The following PAXX variants were observed in gnomAD, a reference collection of about 807,000 sequenced individuals.
PAXX encodes the protein PAXX non-homologous end joining factor.
PAXX carries 27 observed loss-of-function variants against 25.6 expected under a neutral mutation model. That is an observed-to-expected ratio of 1.06 (90% CI 0.78 to 1.46). The LOEUF (loss-of-function observed/expected upper bound fraction) is 1.46. Among genes scored for constraint, PAXX ranks in the 40% most tolerant of loss-of-function variants. PAXX has a pLI of 0.00. For synonymous variants in PAXX, 126 were observed against 125.7 expected, an observed-to-expected ratio of 1.00 and a Z score of -0.02; for missense variants, 295 against 280.2, an observed-to-expected ratio of 1.05 and a Z score of -0.38.
At chr9:136,992,613 C>T in intron 1 of PAXX, 27 bp from the exon 2 acceptor site, 2 of 1,533,800 alleles carry the variant, frequency 1.3e-6, no homozygotes, top group Non-Finnish European at 1.8e-6. Context: ...CCGCGGGCGG[C>T]CCCGCCTGAC....
chr9:136,993,131 G>A lies in PAXX; in HGVS notation c.309G>A (p.Ser103=), dbSNP rs374706919. Residue 103 remains serine (S), a synonymous_variant, in exon 4 of 7, where the codon TCG becomes TCA. Coordinates refer to ENST00000371620, the MANE Select transcript of PAXX (RefSeq NM_183241.3). ...CCCTGACGCTTTCAGGGGGGCCCTC[G>A]GCACTGGCCTTTGACCTCTCCAAGG... The part of the protein sequence containing the change: ...RASLTLSGGP[S]ALAFDLSKVP... 1.0e-5 allele frequency: 16 copies of A among 1,599,204 alleles called. No homozygotes were observed. Among genetic ancestry groups the A allele is most frequent in the East Asian group, 4.5e-5 (2 of 44,778 alleles).
At position 136,993,654 on chromosome 9, in the gene PAXX, G is replaced by A. The variant is rs1378319226; in HGVS notation, c.565G>A (p.Gly189Arg). The A allele has an allele frequency of 6.8e-6, 11 of 1,613,608 alleles. No individual in the cohort carries two copies. The highest frequency in any genetic ancestry group is 1.1e-5 in the South Asian group (1 of 91,090). ...RCPGESLINP[G>R]FKSKKPAGGV... ...TCCAGGAGAGTCGCTCATCAACCCCGGGTTCAAGAGGTACCCTCCCACAGC... is the reference window on the plus strand; with the variant it reads ...TCCAGGAGAGTCGCTCATCAACCCCAGGTTCAAGAGGTACCCTCCCACAGC... The change falls in exon 6 of 7, where the codon GGG becomes AGG. Residue 189 changes from glycine (G) to arginine (R), a missense_variant. Transcript: ENST00000371620.
chr9:136,993,093 G>A lies in PAXX; in HGVS notation c.271G>A (p.Glu91Lys). Residue 91 changes from glutamate to lysine, a missense_variant, in exon 4 of 7, where the codon GAG (glutamate) becomes AAG (lysine). By Grantham distance (56) the Glu-to-Lys change is moderately conservative. Transcript: ENST00000371620. ...EQQAVALTLQ[E>K]DRASLTLSGG... ...GCAAGCTGTGGCTCTGACTCTGCAG[G>A]AGGACAGAGCATCCCTGACGCTTTC... 6.2e-7 allele frequency: 1 copy of A among 1,610,382 alleles called. No homozygotes were observed. The highest frequency in any genetic ancestry group is 1.1e-5 in the South Asian group (1 of 90,938).
Position 136,992,948 on chromosome 9 carries a change from G to A in PAXX, c.204G>A (p.Ala68=), listed in dbSNP as rs776407172. 9.9e-6 allele frequency: 16 copies of A among 1,613,582 alleles called. No individual in the cohort carries two copies. Among genetic ancestry groups the A allele is most frequent in the African/African-American group, 1.3e-5 (1 of 75,032 alleles). ...AGAAAGCCCGTTTTGGCCTGAGTGC[G>A]GCTGAGGACATCACCCCCCGGTTCA... ...AALKARFGLS[A]AEDITPRFRA... The change falls in exon 3 of 7, where the codon GCG becomes GCA. Residue 68 remains alanine (A), a synonymous_variant. Transcript: ENST00000371620.
At chr9:136,993,514 T>C (rs1830636041) in intron 5 of PAXX, 66 bp from the exon 6 acceptor site, 1 of 1,604,860 alleles carries the variant, frequency 6.2e-7, no homozygotes, top group African/African-American at 1.3e-5. Flanking sequence ...TGCCTATCTA[T>C]TCGGAGAAGG....
At chr9:136,992,863 TC>T (rs1830609147) in intron 2 of PAXX, 61 bp from the exon 3 acceptor site, 4 of 1,611,532 alleles carry the variant, frequency 2.5e-6, no homozygotes, top group Admixed American at 3.3e-5. Context: ...CGGGCAGGTT[TC>T]GGGTGCCCCC....
rs764931530 is a variant in PAXX at position 136,992,694 on chromosome 9, G to T, written c.174G>T (p.Ala58=). Reference sequence around the variant, plus strand: ...CCTGCTTCACGCCGGACAGCCTGGCGGCCCTCGTGGGTAACTGGGCGGGTC... The same window carrying T: ...CCTGCTTCACGCCGGACAGCCTGGCTGCCCTCGTGGGTAACTGGGCGGGTC... ...WSTCFTPDSL[A]ALKARFGLSA... is the part of the protein sequence containing the mutation. The change falls in exon 2 of 7, where the codon GCG becomes GCT. Residue 58 remains alanine (A), a synonymous_variant. Coordinates refer to ENST00000371620, the MANE Select transcript of PAXX (RefSeq NM_183241.3). 1.3e-6 allele frequency: 2 copies of T among 1,540,620 alleles called. No homozygotes were observed. The highest frequency in any genetic ancestry group is 2.7e-5 in the African/African-American group (2 of 73,192).
In PAXX at chr9:136,992,493, C is replaced by T. The variant is rs774980912; in HGVS notation, c.50C>T (p.Pro17Leu). Residue 17 changes from proline to leucine, a missense_variant, in exon 1 of 7, where the codon CCG becomes CTG. Pro to Leu is a moderately conservative substitution (Grantham distance 98, BLOSUM62 -3). Transcript: ENST00000371620. The stretch of plus-strand genomic sequence containing the variant: ...TGCACGCTGCCGCCGGGCCCCGAGC[C>T]GCCCCGCTTCGTGTGCTACTGCGAA... Reference protein sequence around the residue: ...PLCTLPPGPEPPRFVCYCEGE... With the variant: ...PLCTLPPGPELPRFVCYCEGE... 2.9e-6 allele frequency: 4 copies of T among 1,390,826 alleles called. No individual in the cohort carries two copies. Among genetic ancestry groups the T allele is most frequent in the Non-Finnish European group, 3.7e-6 (4 of 1,069,760 alleles). The allele number at this position is 1,390,826 out of a possible 1,614,324, so 86.2% of individuals were successfully genotyped here. A position where few individuals can be genotyped will look rare whatever the true frequency, so the allele number is the denominator to read the frequency against.
rs754538246 is a variant in PAXX, at chr9:136,993,404, C to T, written c.483C>T (p.Phe161=). 1 of 1,606,408 alleles carries T rather than the reference C, an allele frequency of 6.2e-7. No individual in the cohort carries two copies. The highest frequency in any genetic ancestry group is 8.5e-7 in the Non-Finnish European group (1 of 1,176,254). ...KSPRPAGPQL[F]LPDPDPQRGG... The stretch of plus-strand genomic sequence containing the variant: ...CCCGGCCTGCAGGGCCTCAGCTCTT[C>T]TTACCAGGTAAGGCATGTCCGCCTG... The change falls in exon 5 of 7, where the codon TTC becomes TTT. Residue 161 remains phenylalanine, a synonymous_variant. Transcript: ENST00000371620.
chr9:136,992,551 C>T lies in PAXX; in HGVS notation c.108C>T (p.Gly36=), dbSNP rs1830600574. 6.8e-7 allele frequency: 1 copy of T among 1,474,876 alleles called. No individual in the cohort carries two copies. The highest frequency in any genetic ancestry group is 9.0e-7 in the Non-Finnish European group (1 of 1,107,550). The allele number at this position is 1,474,876 out of a possible 1,614,324, so 91.4% of individuals were successfully genotyped here. ...GEESGEGDRG[G]FNLYVTDAAE... is the part of the protein sequence containing the mutation. ...AAAGCGGGGAGGGGGACCGCGGCGG[C>T]TTCAACCTCTAGTGAGTGGGGGTCC... The change falls in exon 1 of 7, where the codon GGC becomes GGT. Residue 36 remains glycine, a synonymous_variant. Transcript: ENST00000371620.
In PAXX at chr9:136,993,096, G is replaced by A. The variant is rs753128617; in HGVS notation, c.274G>A (p.Asp92Asn). The change falls in exon 4 of 7, where the codon GAC (aspartate) becomes AAC (asparagine). Residue 92 changes from aspartate to asparagine, a missense_variant. By Grantham distance (23) the Asp-to-Asn change is conservative. Coordinates refer to ENST00000371620, the MANE Select transcript of PAXX (RefSeq NM_183241.3). ...AGCTGTGGCTCTGACTCTGCAGGAG[G>A]ACAGAGCATCCCTGACGCTTTCAGG... is the stretch of plus-strand genomic sequence containing the variant. ...QQAVALTLQE[D>N]RASLTLSGGP... is the part of the protein sequence containing the mutation. 2.5e-6 allele frequency: 4 copies of A among 1,609,886 alleles called. No individual in the cohort carries two copies. Among genetic ancestry groups the A allele is most frequent in the African/African-American group, 2.7e-5 (2 of 74,908 alleles).
In PAXX at chr9:136,993,566, C is replaced by A. The variant is rs764702593; in HGVS notation, c.491-14C>A. On this transcript the variant is annotated splice_polypyrimidine_tract_variant and intron_variant, in intron 5 of 6. Coordinates refer to ENST00000371620, the MANE Select transcript of PAXX (RefSeq NM_183241.3). ...GCCAGGTTCAGGAGCTGCCCCTGTC[C>A]TGTTTTCCCCCAGACCCAGATCCCC... The A allele has an allele frequency of 6.2e-7, 1 of 1,613,650 alleles. No homozygotes were observed. The highest frequency in any genetic ancestry group is 1.7e-5 in the Admixed American group (1 of 60,026).
In PAXX at chr9:136,993,385, C is replaced by A; in HGVS notation, c.464C>A (p.Pro155His). ...TAVSPRKSPR[P>H]AGPQLFLPDP... Reference sequence around the variant, plus strand: ...GTCAGCCCGAGGAAGAGCCCCCGGCCTGCAGGGCCTCAGCTCTTCTTACCA... The same window carrying A: ...GTCAGCCCGAGGAAGAGCCCCCGGCATGCAGGGCCTCAGCTCTTCTTACCA... Residue 155 changes from proline (P) to histidine (H), a missense_variant, in exon 5 of 7, where the codon CCT becomes CAT. By Grantham distance (77) the Pro-to-His change is moderately conservative. Coordinates refer to ENST00000371620, the MANE Select transcript of PAXX (RefSeq NM_183241.3). 1 of 1,606,688 alleles carries A rather than the reference C, an allele frequency of 6.2e-7. No individual in the cohort carries two copies. The highest frequency in any genetic ancestry group is 8.5e-7 in the Non-Finnish European group (1 of 1,176,602).
Position 136,993,644 on chromosome 9 carries a change from C to T in PAXX, c.555C>T (p.Leu185=), listed in dbSNP as rs377322102. The T allele has an allele frequency of 4.3e-6, 7 of 1,613,832 alleles. No homozygotes were observed. Among genetic ancestry groups the T allele is most frequent in the Non-Finnish European group, 5.9e-6 (7 of 1,180,006 alleles). Residue 185 remains leucine (L), a synonymous_variant, in exon 6 of 7, where the codon CTC becomes CTT. Transcript: ENST00000371620. ...GGAGGCGGTGTCCAGGAGAGTCGCT[C>T]ATCAACCCCGGGTTCAAGAGGTACC... ...GVRRRCPGES[L]INPGFKSKKP... is the part of the protein sequence containing the mutation.
chr9:136,993,271 C>A, intron 4 of PAXX, 28 bp downstream of exon 4: 1 of 1,561,592 alleles, frequency 6.4e-7, no homozygotes, highest in South Asian at 1.2e-5. Flanking sequence ...CACCTCATAC[C>A]TTCACTGGGG....
intron 3 of PAXX, 32 bp downstream of exon 3, chr9:136,993,006 G>GGGA: frequency 6.2e-7 from 1 of 1,613,172 alleles, no homozygotes; most frequent in Non-Finnish European, 8.5e-7. Flanking sequence ...AGGACGGGTG[G>GGGA]GGAGGAGGAG....
rs753247052 is a variant in PAXX at position 136,993,344 on chromosome 9, TGCA to T, written c.425_427del (p.Ala142del). On this transcript the variant is annotated inframe_deletion and splice_region_variant, in exon 5 of 7. Transcript: ENST00000371620. ...GTTCCCATGGGCTTTCCTCCCCAGCTGCAGAAGAGACAGCTGTCAGCCCGAGGA... is the reference window on the plus strand; with the variant it reads ...GTTCCCATGGGCTTTCCTCCCCAGCTGAAGAGACAGCTGTCAGCCCGAGGA... 5.6e-6 allele frequency: 9 copies of T among 1,605,448 alleles called. No homozygotes were observed. The African/African-American group carries it at 1.2e-4, about 21-fold the overall frequency.
At chr9:136,992,610 C>T in intron 1 of PAXX, 30 bp from the exon 2 acceptor site, 3 of 1,532,032 alleles carry the variant, frequency 2.0e-6, no homozygotes, top group Non-Finnish European at 2.6e-6. Flanking sequence ...GCTCCGCGGG[C>T]GGCCCCGCCT....
Position 136,993,882 on chromosome 9 carries a change from C to A in PAXX, c.*77C>A. On this transcript the variant is annotated 3_prime_UTR_variant, in exon 7 of 7. Coordinates refer to ENST00000371620, the MANE Select transcript of PAXX (RefSeq NM_183241.3). ...CAGTCTTTGAGGCCCCCATCAGAGACCCCCCGCCACCACCTCCACCTGCCT... is the reference window on the plus strand; with the variant it reads ...CAGTCTTTGAGGCCCCCATCAGAGAACCCCCGCCACCACCTCCACCTGCCT... 6 of 1,396,696 alleles carry A rather than the reference C, an allele frequency of 4.3e-6. No individual in the cohort carries two copies. The highest frequency in any genetic ancestry group is 1.9e-5 in the Admixed American group (1 of 52,874). The allele number at this position is 1,396,696 out of a possible 1,614,324, so 86.5% of individuals were successfully genotyped here. A position where few individuals can be genotyped will look rare whatever the true frequency, so the allele number is the denominator to read the frequency against.
Sources: gnomAD v4.1 joint callset for allele counts on GRCh38, gnomAD v4.1.1 for gene constraint, MANE v1.5 for transcripts, NCBI Gene and HGNC (gene_info 2026-07-23, HGNC 2026-07-21) for gene names.